LRRC1: variants seen among roughly 807,000 people sequenced by gnomAD.
LRRC1 encodes the protein leucine rich repeat containing 1.
A neutral mutation model predicts 69.9 loss-of-function variants in LRRC1; 28 were observed. The ratio of observed to expected loss-of-function variants is 0.40; its 90% CI spans 0.30 to 0.55. The LOEUF (loss-of-function observed/expected upper bound fraction) is 0.55. LRRC1 is among the 20% of genes least tolerant of loss of function. The probability of loss-of-function intolerance (pLI) is 0.47; values close to 1 mark genes in which losing one functional copy is unlikely to be tolerated. For synonymous variants in LRRC1, 236 were observed against 240.2 expected (o/e 0.98, Z 0.16); for missense variants, 498 against 609.0 (o/e 0.82, Z 1.92).
At chr6:53,819,521 G>A (rs1765054929) in intron 1 of LRRC1, among the ~76,000 whole-genome samples, 1 of 152,104 alleles carries the variant, frequency 6.6e-6, no homozygotes, top group Admixed American at 6.6e-5. Context: ...CTTGGAATGA[G>A]GAGGTACTTT....
intron 1 of LRRC1, among the ~76,000 whole-genome samples, chr6:53,829,978 G>C (rs113976953): frequency 5.9e-5 from 9 of 152,192 alleles, no homozygotes; most frequent in Non-Finnish European, 1.2e-4. Context: ...GAGGTGATGT[G>C]CTGAACAAGG....
intron 2 of LRRC1, among the ~76,000 whole-genome samples, chr6:53,871,654 GTTTGTTTTGT>G (rs991914328): frequency 6.6e-6 from 1 of 152,016 alleles, no homozygotes; most frequent in Non-Finnish European, 1.5e-5. Flanking sequence ...AATCCCATCT[GTTTGTTTTGT>G]TTTGTTTTGT....
At chr6:53,868,338 C>T (rs1766775910) in intron 2 of LRRC1, among the ~76,000 whole-genome samples, 1 of 151,984 alleles carries the variant, frequency 6.6e-6, no homozygotes, top group South Asian at 2.1e-4. Context: ...TCTCCTGCCT[C>T]AGCTTCCCGA....
intron 2 of LRRC1, among the ~76,000 whole-genome samples, chr6:53,874,865 CAAGA>C (rs1554184271): frequency 6.6e-6 from 1 of 152,062 alleles, no homozygotes; most frequent in Non-Finnish European, 1.5e-5. Flanking sequence ...AGTTTTCTAT[CAAGA>C]AAGGAATTTA....
intron 1 of LRRC1, among the ~76,000 whole-genome samples, chr6:53,827,310 CA>C (rs11387003): frequency 0.019 from 2,354 of 126,016 alleles, 63 homozygotes; most frequent in African/African-American, 0.061. Flanking sequence ...AACACTTCCA[CA>C]AAAAAAAAAA....
intron 2 of LRRC1, among the ~76,000 whole-genome samples, chr6:53,852,025 A>T (rs1165696123): frequency 6.6e-6 from 1 of 152,234 alleles, no homozygotes; most frequent in East Asian, 1.9e-4. Flanking sequence ...GAAGTACTTC[A>T]CTTTAGGCAA....
At chr6:53,919,474 T>TC (rs1457456807) in intron 11 of LRRC1, 24 bp from the exon 12 acceptor site, 2 of 1,432,744 alleles carry the variant, frequency 1.4e-6, no homozygotes, top group African/African-American at 1.6e-5. Flanking sequence ...ATGTCTCTTT[T>TC]TTTAAAAAAA....
intron 2 of LRRC1, among the ~76,000 whole-genome samples, chr6:53,863,061 A>G (rs927903441): frequency 6.6e-6 from 1 of 152,226 alleles, no homozygotes; most frequent in Non-Finnish European, 1.5e-5. Context: ...GATGTACTGA[A>G]TGTACCCAAA....
chr6:53,899,078 A>G (rs1767963731), intron 7 of LRRC1, among the ~76,000 whole-genome samples: 1 of 152,212 alleles, frequency 6.6e-6, no homozygotes, highest in Non-Finnish European at 1.5e-5. Context: ...GGGAAGTGGA[A>G]TGGAAAAGTG....
chr6:53,797,492 C>T (rs993297332), intron 1 of LRRC1, among the ~76,000 whole-genome samples: 5 of 152,122 alleles, frequency 3.3e-5, no homozygotes, highest in Non-Finnish European at 5.9e-5. Context: ...TGTTGTCTCA[C>T]CTCTGAGATC....
intron 11 of LRRC1, among the ~76,000 whole-genome samples, chr6:53,915,056 G>A (rs966461553): frequency 6.6e-6 from 1 of 152,196 alleles, no homozygotes; most frequent in Non-Finnish European, 1.5e-5. Context: ...TATATCATAG[G>A]CTTCCTTGCC....
At chr6:53,797,179 GA>G (rs1764326703) in intron 1 of LRRC1, among the ~76,000 whole-genome samples, 1 of 151,948 alleles carries the variant, frequency 6.6e-6, no homozygotes, top group African/African-American at 2.4e-5. Flanking sequence ...ATGCCAAGCC[GA>G]AATGTCAGGT....
intron 2 of LRRC1, among the ~76,000 whole-genome samples, chr6:53,856,323 A>T (rs1349427703): frequency 6.6e-6 from 1 of 152,128 alleles, no homozygotes; most frequent in Non-Finnish European, 1.5e-5. Context: ...CTCTTGAGGG[A>T]TTTAGGCCAG....
intron 1 of LRRC1, among the ~76,000 whole-genome samples, chr6:53,833,642 A>G (rs1229395760): frequency 6.6e-6 from 1 of 152,224 alleles, no homozygotes. Flanking sequence ...CCTTTGTTGC[A>G]TAAAGAAAAG....
intron 8 of LRRC1, 102 bp downstream of exon 8, chr6:53,899,993 G>A: frequency 1.2e-6 from 1 of 829,070 alleles, no homozygotes. Context: ...AGATGCTGAG[G>A]ATGTGGCTCC....
At chr6:53,819,682 T>G (rs1294987347) in intron 1 of LRRC1, among the ~76,000 whole-genome samples, 6 of 152,164 alleles carry the variant, frequency 3.9e-5, no homozygotes, top group Admixed American at 3.9e-4. Flanking sequence ...GAACTCACCC[T>G]ACCCTATTCT....
At chr6:53,799,462 C>T (rs1562020285) in intron 1 of LRRC1, among the ~76,000 whole-genome samples, 5 of 152,202 alleles carry the variant, frequency 3.3e-5, no homozygotes. Flanking sequence ...CGTCATAATT[C>T]CCCTTCCTAT....
intron 2 of LRRC1, among the ~76,000 whole-genome samples, chr6:53,863,366 C>A (rs1282357954): frequency 6.6e-6 from 1 of 152,192 alleles, no homozygotes; most frequent in Non-Finnish European, 1.5e-5. Flanking sequence ...TTGTCGTTTG[C>A]CTCTTCTGTG....
At chr6:53,883,738 C>G (rs1767376097) in intron 4 of LRRC1, among the ~76,000 whole-genome samples, 1 of 152,188 alleles carries the variant, frequency 6.6e-6, no homozygotes, top group African/African-American at 2.4e-5. Flanking sequence ...TCTACCCTAA[C>G]CTGGTAGACC....
Sources: gnomAD v4.1 joint callset for allele counts (sites outside exome capture counted in the v4.1 genomes callset) on GRCh38, gnomAD v4.1.1 for gene constraint, MANE v1.5 for transcripts, NCBI Gene and HGNC (gene_info 2026-07-23, HGNC 2026-07-21) for gene names.